Variants in TFDP2 observed in about 807,000 individuals in gnomAD.
The protein encoded by TFDP2 is transcription factor Dp-2, also known as transcription factor Dp-2 (E2F dimerization partner 2).
Under a neutral mutation model 59.3 loss-of-function variants are expected in TFDP2, and 17 were observed. The observed-to-expected ratio is 0.29, with a 90% confidence interval of 0.20 to 0.43. The LOEUF (loss-of-function observed/expected upper bound fraction) is 0.43. Among genes scored for constraint, TFDP2 ranks in the 20% least tolerant of loss-of-function variants. TFDP2 has a pLI of 1.00. For synonymous variants in TFDP2, 180 were observed against 194.7 expected (o/e 0.92, Z 0.63); for missense variants, 391 against 528.8 (o/e 0.74, Z 2.56).
chr3:142,004,967 A>C (rs1944099798), intron 4 of TFDP2, among the ~76,000 whole-genome samples: 1 of 152,248 alleles, frequency 6.6e-6, no homozygotes, highest in African/African-American at 2.4e-5. Flanking sequence ...ATGTTTCTCA[A>C]GCTCAAAACT....
At chr3:142,127,725 C>T (rs2062325745) in intron 1 of TFDP2, among the ~76,000 whole-genome samples, 1 of 151,944 alleles carries the variant, frequency 6.6e-6, no homozygotes, top group South Asian at 2.1e-4. Context: ...AAGCAATTCT[C>T]CCACTTCAGC....
chr3:141,945,543 T>C lies in TFDP2; in HGVS notation c.*6970A>G, dbSNP rs1935149329. ...CAGCCACCTGGGCAGCCAGTGCATA[T>C]GGTTAGTGGGTGGTTCCATTTTTCA... is the stretch of plus-strand genomic sequence containing the variant. On this transcript the variant is annotated 3_prime_UTR_variant, in exon 13 of 13. Transcript: ENST00000489671. The C allele has an allele frequency of 6.6e-6, 1 of 152,298 alleles. No individual in the cohort carries two copies. Among genetic ancestry groups the C allele is most frequent in the Non-Finnish European group, 1.5e-5 (1 of 68,106 alleles). 9.4% of individuals were successfully genotyped at this position (152,298 alleles called of 1,614,324 possible). A position where few individuals can be genotyped will look rare whatever the true frequency, so the allele number is the denominator to read the frequency against.
chr3:142,069,891 G>C (rs138042656), intron 3 of TFDP2, among the ~76,000 whole-genome samples: 1 of 151,556 alleles, frequency 6.6e-6, no homozygotes, highest in Admixed American at 6.6e-5. Flanking sequence ...TTACAGGCTT[G>C]AGCCACCACG....
chr3:142,080,098 G>A (rs2060584551), intron 3 of TFDP2, among the ~76,000 whole-genome samples: 1 of 152,086 alleles, frequency 6.6e-6, no homozygotes, highest in Admixed American at 6.6e-5. Flanking sequence ...CAAGTAGCTG[G>A]GATTACAGAT....
At chr3:142,013,353 T>A (rs1251503754) in intron 3 of TFDP2, among the ~76,000 whole-genome samples, 1 of 152,214 alleles carries the variant, frequency 6.6e-6, no homozygotes, top group Non-Finnish European at 1.5e-5. Flanking sequence ...AGACAAAACT[T>A]ACTTCCATCA....
At chr3:141,996,995 A>C (rs1943332873) in intron 4 of TFDP2, among the ~76,000 whole-genome samples, 1 of 152,232 alleles carries the variant, frequency 6.6e-6, no homozygotes, top group African/African-American at 2.4e-5. Flanking sequence ...AAAACAGACA[A>C]TGTGTCTGTA....
At chr3:141,958,230 GAAAC>G (rs966620794) in intron 11 of TFDP2, among the ~76,000 whole-genome samples, 17 of 151,882 alleles carry the variant, frequency 1.1e-4, no homozygotes, top group African/African-American at 3.9e-4. Context: ...CAAGCAATCG[GAAAC>G]AAACAGTTTA....
intron 3 of TFDP2, among the ~76,000 whole-genome samples, chr3:142,023,122 CAAAAAAAA>C (rs765096570): frequency 1.3e-4 from 8 of 59,602 alleles, no homozygotes; most frequent in Non-Finnish European, 2.2e-4. Context: ...CCCTCCGTCT[CAAAAAAAA>C]AAAAAAAAAA....
chr3:142,014,104 A>G (rs1300771351), intron 3 of TFDP2, among the ~76,000 whole-genome samples: 2 of 152,150 alleles, frequency 1.3e-5, no homozygotes, highest in Non-Finnish European at 2.9e-5. Context: ...ACAGGGTCCA[A>G]CTTCCCAGAA....
chr3:142,046,905 T>C (rs752062640), intron 3 of TFDP2, among the ~76,000 whole-genome samples: 28 of 152,210 alleles, frequency 1.8e-4, no homozygotes, highest in Non-Finnish European at 3.4e-4. Flanking sequence ...CATTGATTTT[T>C]TGAGCCCAAA....
chr3:141,990,312 T>C (rs1942620608), intron 6 of TFDP2, among the ~76,000 whole-genome samples: 1 of 151,978 alleles, frequency 6.6e-6, no homozygotes, highest in African/African-American at 2.4e-5. Context: ...TCTCACCCTG[T>C]TGCCCAAAAT....
intron 3 of TFDP2, among the ~76,000 whole-genome samples, chr3:142,010,868 T>A (rs1216872362): frequency 7.5e-6 from 1 of 132,756 alleles, no homozygotes; most frequent in Non-Finnish European, 1.6e-5. Flanking sequence ...ATCAGAGAAA[T>A]GCAAATCAAA....
chr3:141,970,935 G>A (rs1240992630), intron 8 of TFDP2, among the ~76,000 whole-genome samples: 1 of 152,012 alleles, frequency 6.6e-6, no homozygotes, highest in Non-Finnish European at 1.5e-5. Flanking sequence ...GCGCGCATCT[G>A]TAGTCCCAGC....
chr3:142,037,000 T>C (rs958845359), intron 3 of TFDP2, among the ~76,000 whole-genome samples: 3 of 152,252 alleles, frequency 2.0e-5, no homozygotes, highest in African/African-American at 4.8e-5. Context: ...TAAGACTCTC[T>C]ATGACCTCGA....
chr3:142,025,069 T>G (rs1204074070), intron 3 of TFDP2, among the ~76,000 whole-genome samples: 1 of 152,040 alleles, frequency 6.6e-6, no homozygotes, highest in East Asian at 1.9e-4. Context: ...TGATTATGAC[T>G]GGAAGTATTT....
Position 141,996,914 on chromosome 3 carries a change from G to A in TFDP2, c.187-1773C>T, listed in dbSNP as rs1454643638. Among the ~76,000 whole-genome samples the A allele has an allele frequency of 2.0e-5, 3 of 152,312 alleles. No homozygotes were observed. In the South Asian group the frequency reaches 6.2e-4, roughly 32 times the overall value. ...AATAATACTGACAGATGTCTGGAGAGTTCTGATTATGTACAATACACCAAG... is the reference window on the plus strand; with the variant it reads ...AATAATACTGACAGATGTCTGGAGAATTCTGATTATGTACAATACACCAAG... On this transcript the variant is annotated intron_variant, in intron 4 of 12. Transcript: ENST00000489671.
intron 3 of TFDP2, among the ~76,000 whole-genome samples, chr3:142,046,739 G>A (rs759882012): frequency 6.6e-6 from 1 of 152,154 alleles, no homozygotes; most frequent in East Asian, 1.9e-4. Flanking sequence ...TCTACTCATC[G>A]AAATTCCTCC....
At chr3:142,065,545 G>A (rs906643293) in intron 3 of TFDP2, among the ~76,000 whole-genome samples, 29 of 151,004 alleles carry the variant, frequency 1.9e-4, no homozygotes, top group Admixed American at 1.5e-3. Context: ...AGAGTCTCAC[G>A]CTGTCGCCTA....
intron 6 of TFDP2, among the ~76,000 whole-genome samples, chr3:141,981,616 G>A (rs896547894): frequency 5.3e-5 from 8 of 152,140 alleles, no homozygotes; most frequent in African/African-American, 1.9e-4. Context: ...CTACTTATTT[G>A]AAATAATGTG....
Sources: allele counts gnomAD v4.1 joint callset (sites outside exome capture counted in the v4.1 genomes callset), GRCh38; gene constraint gnomAD v4.1.1; transcripts MANE v1.5; gene names NCBI Gene and HGNC (gene_info 2026-07-23, HGNC 2026-07-21).